The following MARK3 variants were observed in gnomAD, a reference collection of about 807,000 sequenced individuals.
MARK3 encodes the protein microtubule affinity regulating kinase 3.
Under a neutral mutation model 90.1 loss-of-function variants are expected in MARK3, and 46 were observed. That is an observed-to-expected ratio of 0.51 (90% confidence interval 0.40 to 0.65). MARK3 has a LOEUF of 0.65. MARK3 is among the 30% of genes least tolerant of loss of function. MARK3 has a pLI of 0.00. For synonymous variants in MARK3, 321 were observed against 332.6 expected (o/e 0.97, Z 0.38); for missense variants, 818 against 947.2 (o/e 0.86, Z 1.79).
chr14:103,412,838 A>T, intron 2 of MARK3: 2 of 334,932 alleles, frequency 6.0e-6, no homozygotes, highest in Non-Finnish European at 1.1e-5. Flanking sequence ...GAGGAAATTG[A>T]TATTTTAATG....
intron 1 of MARK3, chr14:103,386,483 A>G (rs1177243369): frequency 6.3e-6 from 3 of 478,238 alleles, no homozygotes; most frequent in Non-Finnish European, 1.2e-5. Context: ...TCACATTAAT[A>G]ACATATGTTA....
intron 15 of MARK3, among the ~76,000 whole-genome samples, chr14:103,495,162 T>G (rs1441498194): frequency 6.6e-6 from 1 of 152,148 alleles, no homozygotes; most frequent in Non-Finnish European, 1.5e-5. Flanking sequence ...TTGGAGAGAT[T>G]AAGGCACATA....
At chr14:103,444,969 C>G (rs1451641879) in intron 3 of MARK3, among the ~76,000 whole-genome samples, 2 of 152,196 alleles carry the variant, frequency 1.3e-5, no homozygotes, top group Non-Finnish European at 2.9e-5. Context: ...AAGTCTCTGG[C>G]ATTTTTATCT....
chr14:103,491,347 A>G (rs570368196), intron 14 of MARK3: 110 of 212,868 alleles, frequency 5.2e-4, no homozygotes, highest in Non-Finnish European at 9.8e-4. Flanking sequence ...TGCTTTCAGC[A>G]TGTGGAATTT....
chr14:103,480,450 G>C lies in MARK3; in HGVS notation c.1546G>C (p.Ala516Pro). The change falls in exon 14 of 18, where the codon GCT (alanine) becomes CCT (proline). Residue 516 changes from alanine to proline, a missense_variant. Ala to Pro is a conservative substitution (Grantham distance 27). This residue lies in a region of MARK3 where 560 missense variants were observed against 613.5 expected (regional missense o/e 0.91). Coordinates refer to ENST00000429436, the MANE Select transcript of MARK3 (RefSeq NM_001128918.3). ...TTATGTTTGCAGTGAGAGAACTACA[G>C]CTGATAGACACTCAGTGATTCAGAA... ...NTYVCSERTT[A>P]DRHSVIQNGK... The C allele has an allele frequency of 6.2e-7, 1 of 1,613,422 alleles. No individual in the cohort carries two copies. Among genetic ancestry groups the C allele is most frequent in the Admixed American group, 1.7e-5 (1 of 59,996 alleles).
chr14:103,446,054 G>T lies in MARK3; in HGVS notation c.298-2865G>T, dbSNP rs538302045. On this transcript the variant is annotated intron_variant, in intron 3 of 17. Transcript: ENST00000429436. Reference sequence around the variant, plus strand: ...AAGGAGACAGGCATGCTCCCTGTGGGTGACACAAGGATAACAAACAGGTGC... The same window carrying T: ...AAGGAGACAGGCATGCTCCCTGTGGTTGACACAAGGATAACAAACAGGTGC... Among the ~76,000 whole-genome samples the T allele has an allele frequency of 4.6e-5, 7 of 152,290 alleles. No homozygotes were observed. The South Asian group carries it at 1.2e-3, about 27-fold the overall frequency.
At chr14:103,468,216 CTT>C in intron 12 of MARK3, 30 bp downstream of exon 12, 1 of 1,592,010 alleles carries the variant, frequency 6.3e-7, no homozygotes, top group South Asian at 1.1e-5. Context: ...AGTGCCTTCT[CTT>C]AGAGTCCAGG....
intron 2 of MARK3, among the ~76,000 whole-genome samples, chr14:103,411,796 T>A (rs895617406): frequency 6.6e-6 from 1 of 152,036 alleles, no homozygotes; most frequent in Non-Finnish European, 1.5e-5. Flanking sequence ...CTAATTTTTG[T>A]ATTTTTAGTA....
In MARK3 at chr14:103,457,170, T is replaced by G; in HGVS notation, c.441T>G (p.His147Gln). The change falls in exon 6 of 18, where the codon CAT becomes CAG. Residue 147 changes from histidine to glutamine, a missense_variant. Physicochemically the swap from His to Gln is conservative, Grantham distance 24 (BLOSUM62 0). This residue lies in a region of MARK3 where 101 missense variants were observed against 175.1 expected (regional missense o/e 0.58). Coordinates refer to ENST00000429436, the MANE Select transcript of MARK3 (RefSeq NM_001128918.3). Reference sequence around the variant, plus strand: ...AAGTATTTGACTATTTGGTTGCACATGGCAGGATGAAGGAAAAAGAAGCAA... The same window carrying G: ...AAGTATTTGACTATTTGGTTGCACAGGGCAGGATGAAGGAAAAAGAAGCAA... ...GGEVFDYLVAHGRMKEKEARS... is the reference protein window; with the variant it reads ...GGEVFDYLVAQGRMKEKEARS... The G allele has an allele frequency of 1.2e-6, 2 of 1,611,002 alleles. No homozygotes were observed. Among genetic ancestry groups the G allele is most frequent in the Non-Finnish European group, 1.7e-6 (2 of 1,177,472 alleles).
chr14:103,468,206 A>T lies in MARK3; in HGVS notation c.1264+20A>T. 1 of 1,607,816 alleles carries T rather than the reference A, an allele frequency of 6.2e-7. No homozygotes were observed. On this transcript the variant is annotated intron_variant, in intron 12 of 17. Transcript: ENST00000429436. ...ACCATGGTAAGTTTTGGAGTATCCC[A>T]GTGCCTTCTCTTAGAGTCCAGGCAA...
At chr14:103,452,724 G>T (rs1167146222) in intron 5 of MARK3, among the ~76,000 whole-genome samples, 3 of 151,972 alleles carry the variant, frequency 2.0e-5, no homozygotes, top group African/African-American at 7.2e-5. Flanking sequence ...GCCCGCCTCG[G>T]CCTCCCAAAG....
At chr14:103,408,177 C>G (rs1316525780) in intron 2 of MARK3, among the ~76,000 whole-genome samples, 4 of 152,008 alleles carry the variant, frequency 2.6e-5, no homozygotes, top group Admixed American at 2.0e-4. Context: ...TGCAATAATA[C>G]TGTTTTTTGG....
intron 1 of MARK3, 113 bp from the exon 2 acceptor site, chr14:103,404,963 C>CT (rs2091189830): frequency 6.8e-6 from 5 of 731,496 alleles, no homozygotes; most frequent in Non-Finnish European, 1.1e-5. Flanking sequence ...GTGCTAGATA[C>CT]TTTAAGATTA....
Position 103,461,597 on chromosome 14 carries a change from A to G in MARK3, c.484-808A>G, listed in dbSNP as rs1000286608. On this transcript the variant is annotated intron_variant, in intron 6 of 17. Coordinates refer to ENST00000429436, the MANE Select transcript of MARK3 (RefSeq NM_001128918.3). Reference sequence around the variant, plus strand: ...AGAAGTTAACTAACTTTTGCTTTCCATGATCCACATCAGTTAGAAGGAAGA... The same window carrying G: ...AGAAGTTAACTAACTTTTGCTTTCCGTGATCCACATCAGTTAGAAGGAAGA... 2.6e-5 allele frequency among the ~76,000 whole-genome samples: 4 copies of G among 152,214 alleles called. 1 individual carries two copies. The highest frequency in any genetic ancestry group is 2.9e-5 in the Non-Finnish European group (2 of 68,044).
At chr14:103,424,335 C>G (rs2092328084) in intron 2 of MARK3, among the ~76,000 whole-genome samples, 2 of 151,438 alleles carry the variant, frequency 1.3e-5, no homozygotes, top group East Asian at 3.9e-4. Flanking sequence ...GAGTTTGAGA[C>G]CAGCCTGGGT....
intron 15 of MARK3, among the ~76,000 whole-genome samples, chr14:103,496,672 C>T (rs951511026): frequency 1.8e-4 from 28 of 151,792 alleles, no homozygotes; most frequent in Non-Finnish European, 3.2e-4. Flanking sequence ...CTCAGCCTCC[C>T]AAAGTGCTGG....
chr14:103,458,625 T>TG, intron 6 of MARK3: 1 of 549,992 alleles, frequency 1.8e-6, no homozygotes. Flanking sequence ...AGTGCTTCAC[T>TG]GCTTTTAAAT....
At chr14:103,432,719 G>T (rs1178501831) in intron 3 of MARK3, among the ~76,000 whole-genome samples, 3 of 152,120 alleles carry the variant, frequency 2.0e-5, no homozygotes, top group African/African-American at 7.2e-5. Flanking sequence ...AACCAGGTGT[G>T]GTGGTGTGTA....
chr14:103,401,181 G>A (rs987143322), intron 1 of MARK3, among the ~76,000 whole-genome samples: 1 of 152,010 alleles, frequency 6.6e-6, no homozygotes. Context: ...GGAAGCAAAA[G>A]ACAATTTAAT....
Sources: gnomAD v4.1 joint callset for allele counts (sites outside exome capture counted in the v4.1 genomes callset) on GRCh38, gnomAD v4.1.1 for gene constraint, gnomAD v4.1.1 regional missense constraint, MANE v1.5 for transcripts, NCBI Gene and HGNC (gene_info 2026-07-23, HGNC 2026-07-21) for gene names.